Variants in RIMS2 observed in about 807,000 individuals in gnomAD.
RIMS2 encodes the protein regulating synaptic membrane exocytosis protein 2.
In RIMS2, 59 loss-of-function variants were observed where a neutral mutation model predicts 174.4. The observed-to-expected ratio is 0.34, with a 90% CI of 0.27 to 0.42. RIMS2 has a LOEUF of 0.42. Ranked by LOEUF, RIMS2 falls within the 10% of genes least tolerant of loss-of-function variation. RIMS2 has a pLI of 1.00. For synonymous variants in RIMS2, 606 were observed against 572.5 expected, an observed-to-expected ratio of 1.06 and a Z score of -0.84; for missense variants, 1,620 against 1,666.3, an observed-to-expected ratio of 0.97 and a Z score of 0.48.
chr8:104,072,663 T>A lies in RIMS2; in HGVS notation c.3334+58048T>A, dbSNP rs111839125. ...CTAATTGTTAGCCTAGGTTTTTTTTTAAAAACTGTACAGTTCACATTCTAC... is the reference window on the plus strand; with the variant it reads ...CTAATTGTTAGCCTAGGTTTTTTTTAAAAAACTGTACAGTTCACATTCTAC... On this transcript the variant is annotated intron_variant, in intron 19 of 23. Transcript: ENST00000504942. Among the ~76,000 whole-genome samples the A allele has an allele frequency of 2.0e-3, 300 of 152,184 alleles. 1 individual carries two copies. The highest frequency in any genetic ancestry group is 3.9e-3 in the African/African-American group (161 of 41,528).
intron 2 of RIMS2, among the ~76,000 whole-genome samples, chr8:103,739,494 G>A (rs967504538): frequency 4.6e-5 from 7 of 152,064 alleles, no homozygotes; most frequent in African/African-American, 7.2e-5. Context: ...AAACCTGCAC[G>A]TTGTGCACAT....
intron 3 of RIMS2, among the ~76,000 whole-genome samples, chr8:103,837,603 C>T (rs1043605890): frequency 6.6e-6 from 1 of 152,132 alleles, no homozygotes; most frequent in Non-Finnish European, 1.5e-5. Flanking sequence ...TGAGTGAGAA[C>T]ATGCGGTGTT....
chr8:103,895,420 C>G (rs2099272123), intron 4 of RIMS2, among the ~76,000 whole-genome samples: 2 of 151,562 alleles, frequency 1.3e-5, no homozygotes, highest in East Asian at 3.9e-4. Flanking sequence ...TTGCAAATAG[C>G]TCTTTTTGCT....
chr8:103,765,237 T>C (rs539073185), intron 2 of RIMS2, among the ~76,000 whole-genome samples: 5 of 152,304 alleles, frequency 3.3e-5, no homozygotes, highest in Admixed American at 3.3e-4. Context: ...AAATGATTAA[T>C]TGAAAAGGAT....
intron 2 of RIMS2, among the ~76,000 whole-genome samples, chr8:103,731,256 C>A (rs1200239682): frequency 1.3e-5 from 2 of 151,992 alleles, no homozygotes; most frequent in African/African-American, 4.8e-5. Context: ...TTTTTTCTTT[C>A]CCACTTGAAA....
chr8:103,774,170 A>G (rs887891593), intron 3 of RIMS2, among the ~76,000 whole-genome samples: 2 of 152,196 alleles, frequency 1.3e-5, no homozygotes, highest in Non-Finnish European at 2.9e-5. Flanking sequence ...TATTAAAATG[A>G]TCTAAACATT....
intron 3 of RIMS2, among the ~76,000 whole-genome samples, chr8:103,788,875 C>G (rs145686013): frequency 6.6e-6 from 1 of 151,978 alleles, no homozygotes; most frequent in East Asian, 1.9e-4. Flanking sequence ...CCAGCCTCGC[C>G]GCCGCCTTGC....
intron 19 of RIMS2, among the ~76,000 whole-genome samples, chr8:104,207,135 A>G (rs981973515): frequency 5.3e-5 from 8 of 152,110 alleles, no homozygotes; most frequent in Admixed American, 4.6e-4. Context: ...TCTGCCAAAG[A>G]CCCAAAAGTA....
intron 1 of RIMS2, among the ~76,000 whole-genome samples, chr8:103,510,615 TAACTTGCTATATCTCTG>T (rs1478714504): frequency 2.6e-5 from 4 of 152,092 alleles, no homozygotes; most frequent in African/African-American, 9.7e-5. Context: ...TACTTGCACA[TAACTTGCTATATCTCTG>T]AACAAGCAGT....
intron 19 of RIMS2, among the ~76,000 whole-genome samples, chr8:104,070,429 C>G (rs1463141619): frequency 6.6e-6 from 1 of 152,176 alleles, no homozygotes; most frequent in Non-Finnish European, 1.5e-5. Flanking sequence ...ATATGAATAA[C>G]TTCAAACAGG....
intron 1 of RIMS2, among the ~76,000 whole-genome samples, chr8:103,537,924 A>G (rs1840593883): frequency 6.6e-6 from 1 of 151,954 alleles, no homozygotes; most frequent in African/African-American, 2.4e-5. Flanking sequence ...GGGCCATGTG[A>G]TACATTTTGG....
chr8:103,852,720 C>T (rs1306437938), intron 3 of RIMS2, among the ~76,000 whole-genome samples: 2 of 152,016 alleles, frequency 1.3e-5, no homozygotes, highest in Non-Finnish European at 2.9e-5. Flanking sequence ...ATTCATGTTG[C>T]TGCAAAGGAC....
At chr8:104,171,339 A>G (rs546803372) in intron 19 of RIMS2, among the ~76,000 whole-genome samples, 91 of 151,426 alleles carry the variant, frequency 6.0e-4, no homozygotes, top group African/African-American at 2.2e-3. Flanking sequence ...TCATATTTCT[A>G]TTCTTTTTTC....
rs185065941 is a variant in RIMS2 at position 103,813,821 on chromosome 8, G to A, written c.698+47284G>A. On this transcript the variant is annotated intron_variant, in intron 3 of 23. Transcript: ENST00000504942. ...CTATCATTGTTGGACAGTTGGGTTG[G>A]TTCCAGGTCTTTGCTATTGTGAATA... Among the ~76,000 whole-genome samples, 586 of 152,218 alleles carry A rather than the reference G, an allele frequency of 3.8e-3. 4 individuals carry two copies. The highest frequency in any genetic ancestry group is 4.7e-3 in the Non-Finnish European group (322 of 68,010).
At chr8:104,138,353 C>G (rs2098538676) in intron 19 of RIMS2, among the ~76,000 whole-genome samples, 2 of 152,144 alleles carry the variant, frequency 1.3e-5, no homozygotes, top group South Asian at 4.1e-4. Flanking sequence ...AACCTCCAAA[C>G]TTGTCTTCAT....
intron 1 of RIMS2, among the ~76,000 whole-genome samples, chr8:103,650,046 G>C (rs2111493): frequency 0.38 from 57,219 of 151,936 alleles, 11,104 homozygotes; most frequent in African/African-American, 0.4. Flanking sequence ...TTCTTTCTTA[G>C]CTTTATGGGC....
Position 103,587,409 on chromosome 8 carries a change from G to GAGAAAGAAAGA in RIMS2, c.176+86348_176+86349insGAAAGAAAGAA, listed in dbSNP as rs370330667. ...CCAAAGACACATCAGGAAGAAAAAA[G>GAGAAAGAAAGA]AAGAAAGAAAGAAAGAAAGAAAGAA... is the stretch of plus-strand genomic sequence containing the variant. On this transcript the variant is annotated intron_variant, in intron 1 of 23. Coordinates refer to ENST00000504942, the Ensembl canonical transcript of RIMS2. 2.6e-5 allele frequency among the ~76,000 whole-genome samples: 3 copies of GAGAAAGAAAGA among 117,148 alleles called. No homozygotes were observed. The East Asian group carries it at 7.5e-4, about 29-fold the overall frequency. 76.9% of individuals were successfully genotyped at this position (117,148 alleles called of 152,430 possible).
At chr8:103,653,559 T>C (rs904876734) in intron 1 of RIMS2, among the ~76,000 whole-genome samples, 1 of 152,108 alleles carries the variant, frequency 6.6e-6, no homozygotes, top group Admixed American at 6.6e-5. Flanking sequence ...AATGGACAAG[T>C]TGACAAGTGA....
chr8:103,944,802 A>G (rs2083342455), intron 14 of RIMS2, among the ~76,000 whole-genome samples: 1 of 152,102 alleles, frequency 6.6e-6, no homozygotes, highest in Non-Finnish European at 1.5e-5. Context: ...CCTCTAATAA[A>G]TAATTTATTA....
Sources: gnomAD v4.1 joint callset for allele counts (sites outside exome capture counted in the v4.1 genomes callset) on GRCh38, gnomAD v4.1.1 for gene constraint, MANE v1.5 for transcripts, NCBI Gene and HGNC (gene_info 2026-07-23, HGNC 2026-07-21) for gene names.